SHANK2: variants seen among roughly 807,000 people sequenced by gnomAD.
The protein encoded by SHANK2 is SH3 and multiple ankyrin repeat domains protein 2.
Under a neutral mutation model 133.7 loss-of-function variants are expected in SHANK2, and 43 were observed. That is an observed-to-expected ratio of 0.32 (90% CI 0.25 to 0.41). The LOEUF is 0.41. Among genes scored for constraint, SHANK2 ranks in the 10% least tolerant of loss-of-function variants. The probability of loss-of-function intolerance (pLI) is 1.00; values close to 1 mark genes in which losing one functional copy is unlikely to be tolerated. For synonymous variants in SHANK2, 1,017 were observed against 952.8 expected (o/e 1.07, Z -1.24); for missense variants, 1,994 against 2,235.8 (o/e 0.89, Z 2.18).
chr11:70,777,203 C>G (rs988766986), intron 14 of SHANK2, among the ~76,000 whole-genome samples: 6 of 151,750 alleles, frequency 4.0e-5, no homozygotes, highest in African/African-American at 1.2e-4. Context: ...ATCCACCTAC[C>G]CATCCATTCA....
intron 1 of SHANK2, among the ~76,000 whole-genome samples, chr11:71,235,597 G>GAAAA (rs11412828): frequency 1.4e-5 from 2 of 142,554 alleles, no homozygotes; most frequent in African/African-American, 5.2e-5. Context: ...CTCTCTCGGG[G>GAAAA]AAAAAAAAAA....
chr11:70,731,628 C>G (rs970434811), intron 14 of SHANK2, among the ~76,000 whole-genome samples: 26 of 152,230 alleles, frequency 1.7e-4, no homozygotes, highest in African/African-American at 6.0e-4. Context: ...ACTGGACAGA[C>G]CACAGTCTGT....
chr11:70,642,989 C>T (rs372680529), intron 17 of SHANK2, among the ~76,000 whole-genome samples: 7 of 152,162 alleles, frequency 4.6e-5, no homozygotes, highest in South Asian at 2.1e-4. Context: ...GTGACGACAT[C>T]GCAGTTATCC....
chr11:71,234,149 C>A (rs945709520), intron 1 of SHANK2, among the ~76,000 whole-genome samples: 14 of 130,582 alleles, frequency 1.1e-4, no homozygotes, highest in Non-Finnish European at 1.7e-4. Context: ...GATTTGAGAC[C>A]AGCCTGGCCA....
Position 71,165,456 on chromosome 11 carries a change from G to A in SHANK2, c.-12-18118C>T, listed in dbSNP as rs556743392. 2.6e-4 allele frequency among the ~76,000 whole-genome samples: 39 copies of A among 152,164 alleles called. No individual in the cohort carries two copies. The Middle Eastern group carries it at 0.014, about 53-fold the overall frequency. On this transcript the variant is annotated intron_variant, in intron 2 of 25. Coordinates refer to ENST00000601538, the MANE Select transcript of SHANK2 (RefSeq NM_012309.5). ...GGGAGCTGCCCCCAGGTGTGTGTGC[G>A]TGTCCTCAGTGTATCCTGCTCCTAG... is the stretch of plus-strand genomic sequence containing the variant.
chr11:70,771,176 C>T (rs1555042708), intron 14 of SHANK2, among the ~76,000 whole-genome samples: 1 of 152,228 alleles, frequency 6.6e-6, no homozygotes, highest in East Asian at 1.9e-4. Context: ...ATCTACCCTT[C>T]TCAGCCTCTG....
At chr11:70,754,552 C>G (rs543469504) in intron 14 of SHANK2, among the ~76,000 whole-genome samples, 1 of 152,162 alleles carries the variant, frequency 6.6e-6, no homozygotes, top group Non-Finnish European at 1.5e-5. Context: ...GGAAATTCTA[C>G]ATAGGTGACA....
chr11:71,154,724 A>AG (rs1952866544), intron 2 of SHANK2, among the ~76,000 whole-genome samples: 2 of 70,120 alleles, frequency 2.9e-5, no homozygotes, highest in Admixed American at 1.6e-4. Context: ...ACCTACCCCC[A>AG]CCCACGCTCC....
chr11:71,224,150 G>C (rs782188002), intron 2 of SHANK2, among the ~76,000 whole-genome samples: 3 of 152,246 alleles, frequency 2.0e-5, no homozygotes, highest in Non-Finnish European at 4.4e-5. Flanking sequence ...GCTGGTGGTA[G>C]TCAGCGTCAA....
chr11:70,932,615 T>G (rs1394690472), intron 10 of SHANK2, among the ~76,000 whole-genome samples: 1 of 152,226 alleles, frequency 6.6e-6, no homozygotes, highest in African/African-American at 2.4e-5. Flanking sequence ...GCATTCAATC[T>G]TCTGCACACA....
At position 70,749,011 on chromosome 11, in the gene SHANK2, C is replaced by T. The variant is rs572239360; in HGVS notation, c.1777+49432G>A. Among the ~76,000 whole-genome samples the T allele has an allele frequency of 2.0e-3, 97 of 49,678 alleles. 2 individuals are homozygous for T. In the South Asian group the frequency reaches 0.035, roughly 18 times the overall value. 32.6% of individuals were successfully genotyped at this position (49,678 alleles called of 152,430 possible). A position where few individuals can be genotyped will look rare whatever the true frequency, so the allele number is the denominator to read the frequency against. On this transcript the variant is annotated intron_variant, in intron 14 of 25. Transcript: ENST00000601538. Reference sequence around the variant, plus strand: ...CCCCCCATCACACACACACAGCGACCGACCTGAGGGTTCTGAAGAGTAAAT... The same window carrying T: ...CCCCCCATCACACACACACAGCGACTGACCTGAGGGTTCTGAAGAGTAAAT...
At chr11:70,633,413 A>T (rs78281731) in intron 17 of SHANK2, 45 of 152,260 alleles carry the variant, frequency 3.0e-4, no homozygotes, top group African/African-American at 1.1e-3. Flanking sequence ...CCTCAACAAC[A>T]TGATAGAAAA....
At chr11:70,769,185 G>C (rs1284455968) in intron 14 of SHANK2, among the ~76,000 whole-genome samples, 1 of 152,332 alleles carries the variant, frequency 6.6e-6, no homozygotes, top group Non-Finnish European at 1.5e-5. Flanking sequence ...CGCCTGAGAA[G>C]TTCCAGTTCC....
intron 17 of SHANK2, among the ~76,000 whole-genome samples, chr11:70,558,058 C>T (rs992933421): frequency 5.9e-5 from 9 of 152,200 alleles, no homozygotes; most frequent in Non-Finnish European, 8.8e-5. Flanking sequence ...GGAGGCGAGA[C>T]CGTGAGGGGG....
At chr11:70,951,341 G>A (rs11238068) in intron 10 of SHANK2, among the ~76,000 whole-genome samples, 11,664 of 111,640 alleles carry the variant, frequency 0.1, 896 homozygotes, top group South Asian at 0.18. Context: ...GTGCCATGAC[G>A]TCATAAATTC....
intron 17 of SHANK2, among the ~76,000 whole-genome samples, chr11:70,627,262 G>C (rs782130680): frequency 6.6e-6 from 1 of 152,150 alleles, no homozygotes; most frequent in African/African-American, 2.4e-5. Context: ...CTGCAGGGAC[G>C]TGTGTCACTC....
intron 12 of SHANK2, among the ~76,000 whole-genome samples, chr11:70,818,597 C>G (rs886763199): frequency 6.6e-6 from 1 of 152,130 alleles, no homozygotes; most frequent in Non-Finnish European, 1.5e-5. Context: ...TCGGGGGAGC[C>G]CTTTAATTTA....
Position 70,473,186 on chromosome 11 carries a change from T to G in SHANK2, c.5233A>C (p.Ser1745Arg). ...PALSDVFSLP[S>R]QPPSGDLFGL... ...AATAGATCCCCAGAAGGGGGCTGGC[T>G]TGGAAGGCTAAAGACATCTGAGAGA... The change falls in exon 26 of 26, where the codon AGC (serine) becomes CGC (arginine). Residue 1745 changes from serine (S) to arginine (R), a missense_variant. Around this residue, in one of 5 missense-constraint regions of SHANK2, gnomAD observed 797 missense variants for 907.4 expected, o/e 0.88. Transcript: ENST00000601538. The surrounding 1 kb of genome is among the most constrained non-coding windows in gnomAD (Gnocchi z 5.9). 1 of 1,613,416 alleles carries G rather than the reference T, an allele frequency of 6.2e-7. No homozygotes were observed. The highest frequency in any genetic ancestry group is 8.5e-7 in the Non-Finnish European group (1 of 1,179,362).
Position 70,629,012 on chromosome 11 carries a change from T to C in SHANK2, c.2061+30816A>G, listed in dbSNP as rs536620146. 2.6e-5 allele frequency among the ~76,000 whole-genome samples: 4 copies of C among 152,290 alleles called. No individual in the cohort carries two copies. The South Asian group carries it at 8.3e-4, about 32-fold the overall frequency. Reference sequence around the variant, plus strand: ...AAATTAATTTTAAGCCTGGAGTTGATTCCAGCCTGGGAGGGAAACGCCAAC... The same window carrying C: ...AAATTAATTTTAAGCCTGGAGTTGACTCCAGCCTGGGAGGGAAACGCCAAC... On this transcript the variant is annotated intron_variant, in intron 17 of 25. Coordinates refer to ENST00000601538, the MANE Select transcript of SHANK2 (RefSeq NM_012309.5).
Sources: gnomAD v4.1 joint callset for allele counts (sites outside exome capture counted in the v4.1 genomes callset) on GRCh38, gnomAD v4.1.1 for gene constraint, gnomAD v4.1.1 regional missense constraint, Gnocchi (gnomAD v3.1) non-coding constraint, MANE v1.5 for transcripts, NCBI Gene and HGNC (gene_info 2026-07-23, HGNC 2026-07-21) for gene names.